Variants in PRR14L observed in about 807,000 individuals in gnomAD.
The protein encoded by PRR14L is protein PRR14L.
A neutral mutation model predicts 155.0 loss-of-function variants in PRR14L; 80 were observed. The ratio of observed to expected loss-of-function variants is 0.52; its 90% CI spans 0.43 to 0.62. The LOEUF is 0.62. Among genes scored for constraint, PRR14L ranks in the 20% least tolerant of loss-of-function variants. The pLI is 0.00. For missense variants in PRR14L, 2,469 were observed against 2,548.0 expected (o/e 0.97, Z 0.67); for synonymous variants, 883 against 916.0 (o/e 0.96, Z 0.65).
At chr22:31,688,645 T>C (rs1298647466) in intron 7 of PRR14L, among the ~76,000 whole-genome samples, 1 of 152,104 alleles carries the variant, frequency 6.6e-6, no homozygotes, top group Non-Finnish European at 1.5e-5. Flanking sequence ...GGGAATGATA[T>C]ATTTAGATTT....
At chr22:31,710,542 T>C (rs1218311814) in intron 4 of PRR14L, among the ~76,000 whole-genome samples, 2 of 151,232 alleles carry the variant, frequency 1.3e-5, no homozygotes, top group East Asian at 3.9e-4. Flanking sequence ...AAGTTCTGCC[T>C]CCCGGGTTCA....
At chr22:31,747,706 G>C (rs903777696) in intron 1 of PRR14L, among the ~76,000 whole-genome samples, 1 of 151,346 alleles carries the variant, frequency 6.6e-6, no homozygotes, top group Non-Finnish European at 1.5e-5. Flanking sequence ...ATTACTCAAC[G>C]GCGTTTGAGG....
chr22:31,700,805 T>G (rs1215971177), intron 7 of PRR14L, among the ~76,000 whole-genome samples: 1 of 151,930 alleles, frequency 6.6e-6, no homozygotes, highest in East Asian at 1.9e-4. Flanking sequence ...CCACCCGCCT[T>G]GGCCTCCCAA....
chr22:31,746,873 T>C (rs1484535743), intron 1 of PRR14L, among the ~76,000 whole-genome samples: 5 of 149,634 alleles, frequency 3.3e-5, no homozygotes, highest in East Asian at 4.1e-4. Context: ...CTTGGCTCAC[T>C]GCAAGCTCTG....
intron 7 of PRR14L, among the ~76,000 whole-genome samples, chr22:31,693,455 CAGTTT>C (rs1480339029): frequency 6.6e-6 from 1 of 152,182 alleles, no homozygotes; most frequent in Non-Finnish European, 1.5e-5. Context: ...ATTGTCCAGA[CAGTTT>C]ATTCATTCAG....
intron 7 of PRR14L, among the ~76,000 whole-genome samples, chr22:31,698,763 A>T (rs1183745504): frequency 6.6e-6 from 1 of 151,842 alleles, no homozygotes; most frequent in African/African-American, 2.4e-5. Context: ...TACTAAAAAA[A>T]TACAAAAAAT....
chr22:31,703,589 T>C lies in PRR14L; in HGVS notation c.5961A>G (p.Ala1987=). 1.9e-6 allele frequency: 3 copies of C among 1,613,998 alleles called. No individual in the cohort carries two copies. Among genetic ancestry groups the C allele is most frequent in the Non-Finnish European group, 2.5e-6 (3 of 1,179,950 alleles). ...GLDELDGVKA[A]CPCPQSSPPE... is the part of the protein sequence containing the mutation. Reference sequence around the variant, plus strand: ...GGGGGCTGCTCTGTGGGCAGGGGCATGCTGCTTTCACACCATCCAGCTCAT... The same window carrying C: ...GGGGGCTGCTCTGTGGGCAGGGGCACGCTGCTTTCACACCATCCAGCTCAT... Residue 1987 remains alanine, a synonymous_variant, in exon 6 of 9, where the codon GCA becomes GCG. Transcript: ENST00000327423.
intron 3 of PRR14L, among the ~76,000 whole-genome samples, chr22:31,722,158 G>A (rs184720277): frequency 7.0e-4 from 107 of 152,122 alleles, no homozygotes; most frequent in African/African-American, 2.3e-3. Context: ...GGCCGGGCGC[G>A]GTGGCTCACA....
intron 7 of PRR14L, among the ~76,000 whole-genome samples, chr22:31,690,358 A>T (rs533474517): frequency 6.9e-6 from 1 of 145,346 alleles, no homozygotes; most frequent in South Asian, 2.2e-4. Context: ...TGTAACTTTG[A>T]TTTTTTCGTA....
Position 31,714,949 on chromosome 22 carries a change from G to C in PRR14L, c.2890C>G (p.Gln964Glu), listed in dbSNP as rs1366861782. 6.4e-7 allele frequency: 1 copy of C among 1,551,982 alleles called. No homozygotes were observed. Among genetic ancestry groups the C allele is most frequent in the South Asian group, 1.2e-5 (1 of 84,050 alleles). Reference sequence around the variant, plus strand: ...CAGTCAAGGACTTCATCTGCCTTCTGATCGAGTGTTTCAACTGATTTTACA... The same window carrying C: ...CAGTCAAGGACTTCATCTGCCTTCTCATCGAGTGTTTCAACTGATTTTACA... ...KNVKSVETLD[Q>E]KADEVLDCQS... is the part of the protein sequence containing the mutation. Residue 964 changes from glutamine (Q) to glutamate (E), a missense_variant, in exon 4 of 9, where the codon CAG becomes GAG. Physicochemically the swap from Gln to Glu is conservative, Grantham distance 29. Coordinates refer to ENST00000327423, the MANE Select transcript of PRR14L (RefSeq NM_173566.3).
At chr22:31,736,569 C>A (rs1020414329) in intron 2 of PRR14L, among the ~76,000 whole-genome samples, 2 of 152,148 alleles carry the variant, frequency 1.3e-5, no homozygotes, top group African/African-American at 4.8e-5. Flanking sequence ...CTAGCCTAGG[C>A]AGCCCAAAGA....
At chr22:31,737,743 T>C (rs1004818942) in intron 2 of PRR14L, among the ~76,000 whole-genome samples, 4 of 152,078 alleles carry the variant, frequency 2.6e-5, no homozygotes, top group African/African-American at 9.7e-5. Context: ...CTGGTCATGG[T>C]GGCTCATGCC....
At position 31,684,169 on chromosome 22, in the gene PRR14L, C is replaced by G. The variant is rs1044017177; in HGVS notation, c.*1358G>C. ...GGAACAAGACCTCGAGGCTGCTGAC[C>G]CACAGCATCCCTCTGCCCACAGACT... On this transcript the variant is annotated 3_prime_UTR_variant, in exon 9 of 9. Coordinates refer to ENST00000327423, the MANE Select transcript of PRR14L (RefSeq NM_173566.3). The G allele has an allele frequency of 1.3e-5, 2 of 152,394 alleles. No individual in the cohort carries two copies. The highest frequency in any genetic ancestry group is 2.9e-5 in the Non-Finnish European group (2 of 68,084). 9.4% of individuals were successfully genotyped at this position (152,394 alleles called of 1,614,324 possible).
intron 7 of PRR14L, among the ~76,000 whole-genome samples, chr22:31,692,115 A>C (rs1050920017): frequency 2.0e-5 from 3 of 151,770 alleles, no homozygotes; most frequent in East Asian, 3.9e-4. Flanking sequence ...TGGTCTGCCC[A>C]CCTCGGCCTC....
At chr22:31,707,595 C>A (rs1393610581) in intron 4 of PRR14L, among the ~76,000 whole-genome samples, 3 of 152,134 alleles carry the variant, frequency 2.0e-5, no homozygotes, top group African/African-American at 4.8e-5. Flanking sequence ...CCATGTTAGC[C>A]AGGATGGTCT....
At position 31,713,613 on chromosome 22, in the gene PRR14L, T is replaced by C. The variant is rs936363259; in HGVS notation, c.4226A>G (p.Gln1409Arg). 1.3e-6 allele frequency: 2 copies of C among 1,551,978 alleles called. No individual in the cohort carries two copies. Among genetic ancestry groups the C allele is most frequent in the Non-Finnish European group, 8.7e-7 (1 of 1,147,046 alleles). ...LQKEEKYIRQ[Q>R]KAHTISQQCI... ...CTGTTGCGATATCGTATGTGCTTTT[T>C]GTTGACGTATATATTTCTCTTCTTT... The change falls in exon 4 of 9, where the codon CAA (glutamine) becomes CGA (arginine). Residue 1409 changes from glutamine to arginine, a missense_variant. Around this residue, in one of 2 missense-constraint regions of PRR14L, gnomAD observed 2,363 missense variants for 2,371.6 expected, o/e 1.00. Transcript: ENST00000327423.
intron 6 of PRR14L, 93 bp downstream of exon 6, chr22:31,703,457 C>A: frequency 8.0e-7 from 1 of 1,253,476 alleles, no homozygotes; most frequent in Non-Finnish European, 1.1e-6. Context: ...TAAAGATACT[C>A]AGAAGCCAGT....
Position 31,714,369 on chromosome 22 carries a change from T to A in PRR14L, c.3470A>T (p.Glu1157Val). The A allele has an allele frequency of 1.3e-6, 2 of 1,551,728 alleles. No individual in the cohort carries two copies. The highest frequency in any genetic ancestry group is 1.7e-6 in the Non-Finnish European group (2 of 1,146,992). Residue 1157 changes from glutamate to valine, a missense_variant, in exon 4 of 9, where the codon GAG becomes GTG. Physicochemically the swap from Glu to Val is moderately radical, Grantham distance 121 (BLOSUM62 -2). Transcript: ENST00000327423. Reference sequence around the variant, plus strand: ...ATTTGGTTCATGATCTGCAACAGACTCCATCTCATGGGCACAAGAGTCTGG... The same window carrying A: ...ATTTGGTTCATGATCTGCAACAGACACCATCTCATGGGCACAAGAGTCTGG... ...KCPDSCAHEM[E>V]SVADHEPNKR...
At position 31,683,313 on chromosome 22, in the gene PRR14L, T is replaced by C. The variant is rs768641068; in HGVS notation, c.*2214A>G. ...GAAACATAGCCGCCACATCACTGCA[T>C]CTATACTGGCAACAGAGCTGGCAAA... is the stretch of plus-strand genomic sequence containing the variant. On this transcript the variant is annotated 3_prime_UTR_variant, in exon 9 of 9. Coordinates refer to ENST00000327423, the MANE Select transcript of PRR14L (RefSeq NM_173566.3). 6.6e-6 allele frequency: 1 copy of C among 152,274 alleles called. No individual in the cohort carries two copies. The highest frequency in any genetic ancestry group is 2.4e-5 in the African/African-American group (1 of 41,462). 9.4% of individuals were successfully genotyped at this position (152,274 alleles called of 1,614,324 possible).
Sources: allele counts gnomAD v4.1 joint callset (sites outside exome capture counted in the v4.1 genomes callset), GRCh38; gene constraint gnomAD v4.1.1; regional missense constraint gnomAD v4.1.1; transcripts MANE v1.5; gene names NCBI Gene and HGNC (gene_info 2026-07-23, HGNC 2026-07-21).